CSGALNACT1: variants seen among roughly 807,000 people sequenced by gnomAD.
CSGALNACT1 encodes the protein chondroitin sulfate N-acetylgalactosaminyltransferase 1, also known as beta4GalNAcT-1.
Under a neutral mutation model 51.0 loss-of-function variants are expected in CSGALNACT1, and 52 were observed. That is an observed-to-expected ratio of 1.02 (90% CI 0.82 to 1.29). The LOEUF (loss-of-function observed/expected upper bound fraction) is 1.29. Ranked by LOEUF, CSGALNACT1 falls within the 50% of genes most tolerant of loss-of-function variation. The pLI is 0.00. For synonymous variants in CSGALNACT1, 341 were observed against 254.4 expected, an observed-to-expected ratio of 1.34 and a Z score of -3.24; for missense variants, 935 against 679.2, an observed-to-expected ratio of 1.38 and a Z score of -4.19.
intron 3 of CSGALNACT1, among the ~76,000 whole-genome samples, chr8:19,589,524 T>C (rs908748796): frequency 6.6e-6 from 1 of 152,236 alleles, no homozygotes; most frequent in East Asian, 1.9e-4. Context: ...TGGAGTTTAA[T>C]CACGTTGGGT....
At chr8:19,678,237 G>C (rs1272469535) in intron 1 of CSGALNACT1, among the ~76,000 whole-genome samples, 1 of 152,118 alleles carries the variant, frequency 6.6e-6, no homozygotes, top group Non-Finnish European at 1.5e-5. Context: ...TCAGCATACC[G>C]GGGCAAAAAG....
chr8:19,682,153 T>C (rs2060665517), intron 1 of CSGALNACT1, among the ~76,000 whole-genome samples: 1 of 152,114 alleles, frequency 6.6e-6, no homozygotes. Flanking sequence ...GATGGCAGTA[T>C]AGGACCTGAT....
chr8:19,590,126 T>G (rs1054696474), intron 3 of CSGALNACT1, among the ~76,000 whole-genome samples: 3 of 152,202 alleles, frequency 2.0e-5, no homozygotes, highest in African/African-American at 7.2e-5. Context: ...TTGTCATCTC[T>G]CTCTTTAGTT....
intron 3 of CSGALNACT1, among the ~76,000 whole-genome samples, chr8:19,564,764 G>A (rs1251032767): frequency 6.6e-6 from 1 of 152,160 alleles, no homozygotes; most frequent in Non-Finnish European, 1.5e-5. Context: ...TCTCTGCATA[G>A]CACTTTTTCT....
At chr8:19,560,220 C>G (rs950716431) in intron 3 of CSGALNACT1, among the ~76,000 whole-genome samples, 4 of 152,108 alleles carry the variant, frequency 2.6e-5, no homozygotes, top group African/African-American at 9.7e-5. Context: ...CAATCTTTAC[C>G]TCACACCACA....
At chr8:19,579,427 GC>G in intron 3 of CSGALNACT1, among the ~76,000 whole-genome samples, 1 of 152,170 alleles carries the variant, frequency 6.6e-6, no homozygotes, top group Non-Finnish European at 1.5e-5. Context: ...TTCCAAAGGG[GC>G]ACATTCTCTA....
chr8:19,718,893 C>T (rs1008473517), intron 1 of CSGALNACT1, among the ~76,000 whole-genome samples: 57 of 152,278 alleles, frequency 3.7e-4, no homozygotes, highest in African/African-American at 1.3e-3. Context: ...ACCCAAATTC[C>T]CCATCATGCT....
At chr8:19,491,799 G>A (rs922209491) in intron 4 of CSGALNACT1, among the ~76,000 whole-genome samples, 2 of 152,166 alleles carry the variant, frequency 1.3e-5, no homozygotes, top group South Asian at 2.1e-4. Context: ...ATTTGCAAAC[G>A]ACACAACTGA....
chr8:19,434,571 T>C (rs764691094), intron 6 of CSGALNACT1, among the ~76,000 whole-genome samples: 18 of 152,326 alleles, frequency 1.2e-4, no homozygotes, highest in Admixed American at 7.2e-4. Flanking sequence ...ATAATTTATA[T>C]AGCATATTCA....
intron 1 of CSGALNACT1, among the ~76,000 whole-genome samples, chr8:19,646,619 T>C (rs2057303358): frequency 6.6e-6 from 1 of 152,122 alleles, no homozygotes; most frequent in African/African-American, 2.4e-5. Context: ...AACGCCACCT[T>C]TAGTACAAGA....
chr8:19,736,085 G>A (rs778589780), intron 1 of CSGALNACT1, among the ~76,000 whole-genome samples: 33 of 152,100 alleles, frequency 2.2e-4, no homozygotes, highest in Non-Finnish European at 3.5e-4. Flanking sequence ...GAAATAGTGC[G>A]ATCACAACAA....
chr8:19,538,617 G>A (rs1233871164), intron 3 of CSGALNACT1, among the ~76,000 whole-genome samples: 1 of 152,158 alleles, frequency 6.6e-6, no homozygotes, highest in Non-Finnish European at 1.5e-5. Context: ...AACATTCGGT[G>A]CATAAAGGTT....
chr8:19,405,518 A>C, exon 10 of CSGALNACT1: 1 of 626,556 alleles, frequency 1.6e-6, no homozygotes, highest in Non-Finnish European at 3.0e-6. Flanking sequence ...AAACCTCCAC[A>C]CCATTAGGCT....
chr8:19,567,247 C>T (rs1265609522), intron 3 of CSGALNACT1, among the ~76,000 whole-genome samples: 3 of 152,126 alleles, frequency 2.0e-5, no homozygotes, highest in Non-Finnish European at 4.4e-5. Flanking sequence ...ACATGTACAC[C>T]AGTACAAAGA....
chr8:19,521,775 A>C (rs1386352421), intron 3 of CSGALNACT1, among the ~76,000 whole-genome samples: 2 of 152,352 alleles, frequency 1.3e-5, no homozygotes, highest in Admixed American at 1.3e-4. Context: ...GAGAAAGACA[A>C]GTTTGGTTTC....
At chr8:19,542,454 G>T (rs187729352) in intron 3 of CSGALNACT1, among the ~76,000 whole-genome samples, 1 of 152,152 alleles carries the variant, frequency 6.6e-6, no homozygotes, top group Admixed American at 6.6e-5. Flanking sequence ...CCATGTGACA[G>T]TCTCCCAGTC....
intron 1 of CSGALNACT1, among the ~76,000 whole-genome samples, chr8:19,663,650 G>C (rs2058952771): frequency 6.6e-6 from 1 of 152,272 alleles, no homozygotes; most frequent in East Asian, 1.9e-4. Flanking sequence ...TTACCAATTG[G>C]GGAGGAAGAC....
At chr8:19,713,902 G>A (rs2062654875) in intron 1 of CSGALNACT1, among the ~76,000 whole-genome samples, 1 of 152,222 alleles carries the variant, frequency 6.6e-6, no homozygotes, top group South Asian at 2.1e-4. Flanking sequence ...GAGAAGCCAA[G>A]CTGTGGTGAA....
intron 4 of CSGALNACT1, among the ~76,000 whole-genome samples, chr8:19,484,828 C>T (rs571092021): frequency 2.6e-4 from 40 of 152,218 alleles, no homozygotes; most frequent in Admixed American, 9.8e-4. Context: ...CCAATCTGAC[C>T]GGTGTCCTAA....
Sources: allele counts gnomAD v4.1 joint callset (sites outside exome capture counted in the v4.1 genomes callset), GRCh38; gene constraint gnomAD v4.1.1; transcripts MANE v1.5; gene names NCBI Gene and HGNC (gene_info 2026-07-23, HGNC 2026-07-21).